The following USP39 variants were observed in gnomAD, a reference collection of about 807,000 sequenced individuals.
USP39 encodes the protein ubiquitin carboxyl-terminal hydrolase 39.
A neutral mutation model predicts 66.4 loss-of-function variants in USP39; 38 were observed. The ratio of observed to expected loss-of-function variants is 0.57; its 90% CI spans 0.44 to 0.75. The LOEUF is 0.75. USP39 is among the 30% of genes least tolerant of loss of function. USP39 has a pLI of 0.00. For synonymous variants in USP39, 303 were observed against 274.6 expected, an observed-to-expected ratio of 1.10 and a Z score of -1.02; for missense variants, 608 against 714.4, an observed-to-expected ratio of 0.85 and a Z score of 1.70.
At chr2:85,609,890 A>G (rs544964107), upstream of USP39, among the ~76,000 whole-genome samples, 31 of 152,194 alleles carry the variant, frequency 2.0e-4, no homozygotes, top group African/African-American at 7.5e-4. Flanking sequence ...CATGTTGGCC[A>G]GGCTGGTCTC....
chr2:85,632,493 G>A (rs1404686585), intron 6 of USP39, among the ~76,000 whole-genome samples: 76 of 150,612 alleles, frequency 5.0e-4, no homozygotes, highest in Non-Finnish European at 7.4e-5. Flanking sequence ...TGTTGCCCAG[G>A]CTGGAGTGCA....
intron 3 of USP39, 51 bp from the exon 4 acceptor site, chr2:85,623,595 G>C (rs1364748188): frequency 6.4e-7 from 1 of 1,563,174 alleles, no homozygotes; most frequent in South Asian, 1.2e-5. Context: ...AACCTGATCT[G>C]TGTGTTCTAG....
chr2:85,637,340 A>T (rs752869991), intron 7 of USP39, 29 bp from the exon 8 acceptor site: 9 of 1,613,068 alleles, frequency 5.6e-6, no homozygotes, highest in Non-Finnish European at 5.1e-6. Flanking sequence ...ATCCTCACGG[A>T]ATTTGTCTCT....
chr2:85,617,294 A>T (rs1231994158), intron 1 of USP39, among the ~76,000 whole-genome samples: 1 of 152,138 alleles, frequency 6.6e-6, no homozygotes. Context: ...AATTTCTGTA[A>T]TCAAGATATT....
chr2:85,626,124 C>G (rs911241502), intron 5 of USP39, among the ~76,000 whole-genome samples: 17 of 152,044 alleles, frequency 1.1e-4, no homozygotes, highest in Non-Finnish European at 1.2e-4. Flanking sequence ...CTTTGGGAGG[C>G]CAAGGCGGGA....
At chr2:85,620,508 G>A (rs928712131) in intron 2 of USP39, among the ~76,000 whole-genome samples, 1 of 151,946 alleles carries the variant, frequency 6.6e-6, no homozygotes, top group African/African-American at 2.4e-5. Flanking sequence ...AGTTATAAGG[G>A]CTGTTCATTA....
At chr2:85,608,846 G>A, upstream of USP39, 1 of 1,527,274 alleles carries the variant, frequency 6.5e-7, no homozygotes, top group Admixed American at 1.8e-5. Flanking sequence ...GGGGTCTCAA[G>A]ATCAGACAAA....
intron 1 of USP39, 149 bp from the exon 2 acceptor site, chr2:85,619,071 A>G (rs1674239518): frequency 1.2e-6 from 1 of 822,208 alleles, no homozygotes; most frequent in African/African-American, 1.7e-5. Context: ...GCGCCCGGCT[A>G]GTGGACTTTT....
chr2:85,619,088 A>G (rs1011529077), intron 1 of USP39, 132 bp from the exon 2 acceptor site: 14 of 1,057,666 alleles, frequency 1.3e-5, no homozygotes, highest in Non-Finnish European at 1.8e-5. Flanking sequence ...TTTTTTTTCG[A>G]TATTGTTGCC....
At chr2:85,628,217 C>T (rs905498273) in intron 5 of USP39, among the ~76,000 whole-genome samples, 2 of 152,152 alleles carry the variant, frequency 1.3e-5, no homozygotes, top group African/African-American at 2.4e-5. Flanking sequence ...ACAATCTCAG[C>T]TCACTGCAAC....
At chr2:85,620,003 C>T (rs547600363) in intron 2 of USP39, among the ~76,000 whole-genome samples, 8 of 151,998 alleles carry the variant, frequency 5.3e-5, no homozygotes, top group African/African-American at 1.9e-4. Flanking sequence ...TACAGGTGCC[C>T]GCCACCACGC....
chr2:85,616,171 C>G (rs1035592001), upstream of USP39: 6 of 1,401,538 alleles, frequency 4.3e-6, no homozygotes, highest in Non-Finnish European at 5.6e-6. Context: ...GGCGCCTGCG[C>G]TGGACGACTC....
chr2:85,616,542 G>A (rs1464279204), intron 1 of USP39, 79 bp downstream of exon 1: 2 of 1,322,606 alleles, frequency 1.5e-6, no homozygotes, highest in African/African-American at 1.6e-5. Context: ...TCTTCCGCTA[G>A]GTCACTGCGC....
chr2:85,617,851 A>G (rs1674115978), intron 1 of USP39, among the ~76,000 whole-genome samples: 1 of 152,168 alleles, frequency 6.6e-6, no homozygotes, highest in South Asian at 2.1e-4. Context: ...TTCCATCAGC[A>G]TTCATAAAAC....
chr2:85,627,258 G>A (rs192051839), intron 5 of USP39, among the ~76,000 whole-genome samples: 15 of 150,096 alleles, frequency 1.0e-4, no homozygotes, highest in Non-Finnish European at 1.9e-4. Flanking sequence ...CACCACACCC[G>A]GCTAATTTTT....
intron 3 of USP39, among the ~76,000 whole-genome samples, chr2:85,622,655 G>A (rs1331753091): frequency 6.8e-6 from 1 of 148,048 alleles, no homozygotes; most frequent in Non-Finnish European, 1.5e-5. Context: ...TTAGCTCAAA[G>A]GACTTTTTTT....
At chr2:85,624,706 G>C (rs1674714636) in intron 4 of USP39, among the ~76,000 whole-genome samples, 1 of 152,162 alleles carries the variant, frequency 6.6e-6, no homozygotes, top group Non-Finnish European at 1.5e-5. Flanking sequence ...GCCCACACCT[G>C]TAATCCCAGC....
chr2:85,618,276 A>G (rs980841674), intron 1 of USP39, among the ~76,000 whole-genome samples: 1 of 150,114 alleles, frequency 6.7e-6, no homozygotes, highest in African/African-American at 2.4e-5. Context: ...TACGTAGTAC[A>G]TTTGTGGCCG....
At chr2:85,611,714 C>G (rs763438159), upstream of USP39, 6 of 1,596,534 alleles carry the variant, frequency 3.8e-6, no homozygotes, top group East Asian at 6.8e-5. Context: ...TGCGGGGCCG[C>G]GTCGGCGCGG....
Sources: allele counts gnomAD v4.1 joint callset (sites outside exome capture counted in the v4.1 genomes callset), GRCh38; gene constraint gnomAD v4.1.1; transcripts MANE v1.5; gene names NCBI Gene and HGNC (gene_info 2026-07-23, HGNC 2026-07-21).